ACSS2: variants seen among roughly 807,000 people sequenced by gnomAD.
ACSS2 encodes the protein acetyl-coenzyme A synthetase, cytoplasmic.
A neutral mutation model predicts 90.6 loss-of-function variants in ACSS2; 58 were observed. The ratio of observed to expected loss-of-function variants is 0.64; its 90% CI spans 0.52 to 0.80. ACSS2 has a LOEUF of 0.80. Among genes scored for constraint, ACSS2 ranks in the 30% least tolerant of loss-of-function variants. ACSS2 has a pLI of 0.00. For synonymous variants in ACSS2, 300 were observed against 330.9 expected (o/e 0.91, Z 1.01); for missense variants, 759 against 912.0 (o/e 0.83, Z 2.16).
intron 2 of ACSS2, among the ~76,000 whole-genome samples, chr20:34,910,044 A>G (rs1465578806): frequency 7.0e-6 from 1 of 143,654 alleles, no homozygotes; most frequent in East Asian, 2.1e-4. Context: ...TTTTTTAAAC[A>G]GAGTTTCACT....
chr20:34,892,035 C>A (rs2080347680), intron 2 of ACSS2, among the ~76,000 whole-genome samples: 1 of 152,182 alleles, frequency 6.6e-6, no homozygotes, highest in Non-Finnish European at 1.5e-5. Context: ...CTTTTCTAAG[C>A]CTTCTTTTTC....
intron 1 of ACSS2, among the ~76,000 whole-genome samples, chr20:34,878,537 T>C (rs1453763209): frequency 6.6e-6 from 1 of 152,180 alleles, no homozygotes; most frequent in African/African-American, 2.4e-5. Flanking sequence ...TCTGATACAA[T>C]ATAAATCAAG....
At chr20:34,913,687 C>G (rs1348659417) in intron 4 of ACSS2, 66 bp from the exon 5 acceptor site, 2 of 1,479,816 alleles carry the variant, frequency 1.4e-6, no homozygotes, top group East Asian at 2.3e-5. Context: ...CATGAGCAAC[C>G]CCTTTCTTCA....
At chr20:34,923,096 A>G in intron 13 of ACSS2, 1 of 475,246 alleles carries the variant, frequency 2.1e-6, no homozygotes, top group Non-Finnish European at 3.8e-6. Context: ...GACAGAAAGT[A>G]TTTTCTCTGA....
intron 2 of ACSS2, among the ~76,000 whole-genome samples, chr20:34,911,035 G>T (rs1352130837): frequency 6.6e-6 from 1 of 151,598 alleles, no homozygotes; most frequent in African/African-American, 2.4e-5. Context: ...TTGCTGTGTT[G>T]CTCAGATTGG....
chr20:34,882,033 T>C (rs1000659615), intron 1 of ACSS2, among the ~76,000 whole-genome samples: 11 of 152,168 alleles, frequency 7.2e-5, no homozygotes, highest in Admixed American at 2.0e-4. Flanking sequence ...AAATTTACTT[T>C]CTAGTTAGAC....
At chr20:34,891,188 A>G (rs554867415) in intron 2 of ACSS2, among the ~76,000 whole-genome samples, 3 of 152,330 alleles carry the variant, frequency 2.0e-5, no homozygotes, top group Admixed American at 1.3e-4. Context: ...TCACAACAGC[A>G]TATCTATTGA....
intron 2 of ACSS2, among the ~76,000 whole-genome samples, chr20:34,888,451 G>A (rs896117225): frequency 1.9e-4 from 29 of 152,214 alleles, no homozygotes; most frequent in African/African-American, 6.8e-4. Flanking sequence ...GGAACAGTGA[G>A]AAGACCAAGC....
At chr20:34,898,119 G>C (rs937444020) in intron 2 of ACSS2, among the ~76,000 whole-genome samples, 18 of 152,180 alleles carry the variant, frequency 1.2e-4, no homozygotes, top group Admixed American at 2.0e-4. Context: ...TTCACAGTGA[G>C]TGTTACAGCT....
upstream of ACSS2, among the ~76,000 whole-genome samples, chr20:34,875,481 AT>A (rs2079886265): frequency 1.3e-5 from 2 of 152,184 alleles, no homozygotes; most frequent in African/African-American, 4.8e-5. Context: ...AGGCAGGAGA[AT>A]TGCTTGAATC....
chr20:34,912,142 G>A (rs933388019), intron 2 of ACSS2, among the ~76,000 whole-genome samples: 1 of 152,184 alleles, frequency 6.6e-6, no homozygotes, highest in East Asian at 1.9e-4. Context: ...TTCTATACAT[G>A]TAGATAGCAC....
At chr20:34,877,134 A>C (rs374775785) in intron 1 of ACSS2, among the ~76,000 whole-genome samples, 1 of 151,906 alleles carries the variant, frequency 6.6e-6, no homozygotes, top group Non-Finnish European at 1.5e-5. Context: ...CGGCCAAGAG[A>C]GTGAAAGTTT....
intron 2 of ACSS2, among the ~76,000 whole-genome samples, chr20:34,899,886 T>C (rs190877711): frequency 6.6e-6 from 1 of 152,276 alleles, no homozygotes; most frequent in African/African-American, 2.4e-5. Context: ...GGGTACATGT[T>C]TTTGTGTAGA....
Position 34,880,847 on chromosome 20 carries a change from C to A in ACSS2, c.179-1947C>A, listed in dbSNP as rs990469300. On this transcript the variant is annotated intron_variant, in intron 1 of 17. Transcript: ENST00000360596. ...CTGTCTTGTACATTAAAAAATATTT[C>A]ATGTGTTAATCTTATCTCTCCAACT... Among the ~76,000 whole-genome samples, 149 of 151,992 alleles carry A rather than the reference C, an allele frequency of 9.8e-4. 2 individuals are homozygous for A. The highest frequency in any genetic ancestry group is 6.8e-3 in the Middle Eastern group (2 of 294).
At chr20:34,889,787 G>A (rs2080289925) in intron 2 of ACSS2, among the ~76,000 whole-genome samples, 1 of 152,170 alleles carries the variant, frequency 6.6e-6, no homozygotes. Flanking sequence ...AAGAACCTAT[G>A]GAATTTGCTG....
intron 2 of ACSS2, among the ~76,000 whole-genome samples, chr20:34,891,375 A>C (rs2080332126): frequency 6.6e-6 from 1 of 152,136 alleles, no homozygotes; most frequent in Non-Finnish European, 1.5e-5. Context: ...TGAAGAGAGG[A>C]AGCAGTTTTT....
At position 34,926,152 on chromosome 20, in the gene ACSS2, G is replaced by C. The variant is rs1242849536; in HGVS notation, c.1774G>C (p.Glu592Gln). The change falls in exon 16 of 18, where the codon GAG becomes CAG. Residue 592 changes from glutamate to glutamine, a missense_variant. Glu to Gln is a conservative substitution (Grantham distance 29). Coordinates refer to ENST00000360596, the MANE Select transcript of ACSS2 (RefSeq NM_018677.4). ...GGTGGAGTCAGCACTTGTGGAACATGAGGCTGTTGCAGAGGCAGCTGTGGT... is the reference window on the plus strand; with the variant it reads ...GGTGGAGTCAGCACTTGTGGAACATCAGGCTGTTGCAGAGGCAGCTGTGGT... ...AEVESALVEHEAVAEAAVVGH... is the reference protein window; with the variant it reads ...AEVESALVEHQAVAEAAVVGH... 1 of 1,614,242 alleles carries C rather than the reference G, an allele frequency of 6.2e-7. No homozygotes were observed.
intron 1 of ACSS2, among the ~76,000 whole-genome samples, chr20:34,882,177 A>G (rs931495470): frequency 6.6e-6 from 1 of 151,964 alleles, no homozygotes; most frequent in Non-Finnish European, 1.5e-5. Context: ...AGCAACAAAA[A>G]ATTACTGATT....
In ACSS2 at chr20:34,883,007, A is replaced by T. The variant is rs2080103905; in HGVS notation, c.374+18A>T. On this transcript the variant is annotated intron_variant, in intron 2 of 17. Transcript: ENST00000360596. ...TTTTACTGGTAAAAATATCTATCTT[A>T]TACTTGGTGGCAGATAAAAACACTC... is the stretch of plus-strand genomic sequence containing the variant. 3 of 1,578,570 alleles carry T rather than the reference A, an allele frequency of 1.9e-6. No individual in the cohort carries two copies. In the East Asian group the frequency reaches 6.7e-5, roughly 35 times the overall value.
Sources: allele counts gnomAD v4.1 joint callset (sites outside exome capture counted in the v4.1 genomes callset), GRCh38; gene constraint gnomAD v4.1.1; transcripts MANE v1.5; gene names NCBI Gene and HGNC (gene_info 2026-07-23, HGNC 2026-07-21).